The following SLC60A2 variants were observed in gnomAD, a reference collection of about 807,000 sequenced individuals.
SLC60A2 encodes the protein major facilitator superfamily domain containing 4B.
At chr6:111,263,147 AG>A in the SLC60A2 span, among the ~76,000 whole-genome samples, 1 of 152,056 alleles carries the variant, frequency 6.6e-6, no homozygotes, top group Non-Finnish European at 1.5e-5. Context: ...CATGTTGCCC[AG>A]GTTGGTCTGG....
the SLC60A2 span, among the ~76,000 whole-genome samples, chr6:111,275,202 C>T: frequency 6.6e-6 from 1 of 152,072 alleles, no homozygotes; most frequent in African/African-American, 2.4e-5. Flanking sequence ...CCACGATACC[C>T]CACTCTGTGA....
At chr6:111,265,878 G>A in the SLC60A2 span, 92 of 1,593,690 alleles carry the variant, frequency 5.8e-5, no homozygotes, top group Non-Finnish European at 7.6e-5. Flanking sequence ...ATCGACAGGT[G>A]GTAACGTCCT....
At chr6:111,269,355 A>G in the SLC60A2 span, 2 of 152,360 alleles carry the variant, frequency 1.3e-5, no homozygotes, top group Middle Eastern at 3.4e-3. Context: ...ATGCGCCACC[A>G]TGCCCAGCTA....
chr6:111,279,456 G>A, the SLC60A2 span, among the ~76,000 whole-genome samples: 1 of 152,016 alleles, frequency 6.6e-6, no homozygotes, highest in Non-Finnish European at 1.5e-5. Flanking sequence ...CACCACGTTA[G>A]CCAGGATGGT....
chr6:111,266,414 G>A, the SLC60A2 span: 1 of 1,614,186 alleles, frequency 6.2e-7, no homozygotes, highest in Non-Finnish European at 8.5e-7. Context: ...GCAGGGGCCT[G>A]GCAATCTTTT....
At chr6:111,272,529 G>C in the SLC60A2 span, among the ~76,000 whole-genome samples, 9 of 62,070 alleles carry the variant, frequency 1.4e-4, no homozygotes, top group African/African-American at 6.2e-4. Context: ...TTTTTTTTTT[G>C]AGATGAAGTT....
At chr6:111,276,631 T>C in the SLC60A2 span, among the ~76,000 whole-genome samples, 11 of 152,216 alleles carry the variant, frequency 7.2e-5, no homozygotes, top group African/African-American at 2.7e-4. Context: ...GAACTTTCTT[T>C]TTTGTCCTTG....
the SLC60A2 span, chr6:111,278,022 A>C: frequency 6.6e-6 from 1 of 152,222 alleles, no homozygotes; most frequent in African/African-American, 2.4e-5. Context: ...CCAGGAGCAG[A>C]GTATCCAGTT....
At chr6:111,264,005 A>G in the SLC60A2 span, 1 of 877,222 alleles carries the variant, frequency 1.1e-6, no homozygotes, top group Non-Finnish European at 1.9e-6. Flanking sequence ...GAAGTACAGC[A>G]GATGATACTA....
At chr6:111,268,776 C>G in the SLC60A2 span, 1 of 152,178 alleles carries the variant, frequency 6.6e-6, no homozygotes, top group African/African-American at 2.4e-5. Context: ...GATTGGAATA[C>G]TTGTGTCACC....
chr6:111,279,437 A>G, the SLC60A2 span, among the ~76,000 whole-genome samples: 1 of 151,596 alleles, frequency 6.6e-6, no homozygotes, highest in East Asian at 1.9e-4. Flanking sequence ...TCTAGTAGAG[A>G]CGGGGTTTCA....
the SLC60A2 span, among the ~76,000 whole-genome samples, chr6:111,262,702 C>T: frequency 6.6e-6 from 1 of 152,128 alleles, no homozygotes; most frequent in South Asian, 2.1e-4. Context: ...ACTCCTGGAT[C>T]ACACACTGGT....
chr6:111,267,431 A>G, the SLC60A2 span: 7 of 233,460 alleles, frequency 3.0e-5, no homozygotes, highest in East Asian at 5.4e-4. Context: ...GAAGGGGGGT[A>G]TTCTCAGAAT....
the SLC60A2 span, among the ~76,000 whole-genome samples, chr6:111,261,212 GT>G: frequency 3.3e-5 from 5 of 152,000 alleles, no homozygotes; most frequent in African/African-American, 1.2e-4. Flanking sequence ...CATTTAAATT[GT>G]TTATCTCCTG....
At chr6:111,265,156 C>T in the SLC60A2 span, 2 of 390,662 alleles carry the variant, frequency 5.1e-6, no homozygotes, top group African/African-American at 4.4e-5. Flanking sequence ...CCCCTCCCTT[C>T]CCTGCTTTGC....
the SLC60A2 span, among the ~76,000 whole-genome samples, chr6:111,275,979 C>G: frequency 6.6e-6 from 1 of 152,156 alleles, no homozygotes; most frequent in Admixed American, 6.5e-5. Context: ...TCTACTTTGT[C>G]TATGAATTTG....
the SLC60A2 span, among the ~76,000 whole-genome samples, chr6:111,279,685 G>C: frequency 1.3e-5 from 2 of 152,190 alleles, no homozygotes; most frequent in Non-Finnish European, 2.9e-5. Context: ...TCTTTTGGAG[G>C]TTGCCCTTCT....
the SLC60A2 span, among the ~76,000 whole-genome samples, chr6:111,279,360 C>T: frequency 4.6e-5 from 7 of 151,770 alleles, no homozygotes; most frequent in Admixed American, 1.3e-4. Context: ...CTCCCGGGTT[C>T]ACGCCATTCT....
chr6:111,268,736 A>G, the SLC60A2 span: 3 of 152,168 alleles, frequency 2.0e-5, no homozygotes, highest in Non-Finnish European at 4.4e-5. Flanking sequence ...CTGCAAGTGT[A>G]ATTTACAGTG....
Sources: gnomAD v4.1 joint callset for allele counts (sites outside exome capture counted in the v4.1 genomes callset) on GRCh38, gnomAD v4.1.1 for gene constraint, MANE v1.5 for transcripts, NCBI Gene and HGNC (gene_info 2026-07-23, HGNC 2026-07-21) for gene names.